Variants in DLC1 observed in about 807,000 individuals in gnomAD.
The protein encoded by DLC1 is rho GTPase-activating protein 7.
A neutral mutation model predicts 140.3 loss-of-function variants in DLC1; 54 were observed. That is an observed-to-expected ratio of 0.38 (90% CI 0.31 to 0.48). The LOEUF is 0.48. Ranked by LOEUF, DLC1 falls within the 20% of genes least tolerant of loss-of-function variation. The pLI, the probability that DLC1 is intolerant of heterozygous loss-of-function variation, is 0.96. For synonymous variants in DLC1, 986 were observed against 728.1 expected (o/e 1.35, Z -5.70); for missense variants, 2,536 against 1,907.0 (o/e 1.33, Z -6.14).
At chr8:13,255,132 A>T (rs751915761) in intron 5 of DLC1, among the ~76,000 whole-genome samples, 13 of 152,016 alleles carry the variant, frequency 8.6e-5, no homozygotes, top group Non-Finnish European at 8.8e-5. Context: ...GCGTGCCACC[A>T]CGCCCAGCTA....
chr8:13,521,407 T>TAAAA lies in DLC1; in HGVS notation c.-125-21212_-125-21211insTTTT, dbSNP rs1165563109. ...TGCACATGTATCCCAGAACTTAAAATTAAAAAAAAAAAAAGTTCCCTTGCC... is the reference window on the plus strand; with the variant it reads ...TGCACATGTATCCCAGAACTTAAAATAAAATAAAAAAAAAAAAAGTTCCCTTGCC... On this transcript the variant is annotated intron_variant, in intron 1 of 1. Coordinates refer to the DLC1 transcript ENST00000631382. 4.1e-3 allele frequency among the ~76,000 whole-genome samples: 543 copies of TAAAA among 133,148 alleles called. 2 individuals are homozygous for TAAAA. The highest frequency in any genetic ancestry group is 0.014 in the African/African-American group (509 of 37,642). The allele number at this position is 133,148 out of a possible 152,430, so 87.4% of individuals were successfully genotyped here. A position where few individuals can be genotyped will look rare whatever the true frequency, so the allele number is the denominator to read the frequency against.
chr8:13,601,953 C>T (rs541634360), intron 1 of DLC1, among the ~76,000 whole-genome samples: 14 of 151,740 alleles, frequency 9.2e-5, no homozygotes, highest in African/African-American at 2.9e-4. Context: ...TTCACATTTC[C>T]AATTAAAATA....
At chr8:13,403,429 G>T (rs1340546657) in intron 2 of DLC1, among the ~76,000 whole-genome samples, 2 of 152,138 alleles carry the variant, frequency 1.3e-5, no homozygotes, top group Non-Finnish European at 2.9e-5. Context: ...TGATTAAATA[G>T]TAATTAAATC....
chr8:13,563,889 T>A (rs1804332817), intron 1 of DLC1, among the ~76,000 whole-genome samples: 1 of 152,200 alleles, frequency 6.6e-6, no homozygotes, highest in Non-Finnish European at 1.5e-5. Flanking sequence ...ATGGAAAGGT[T>A]CATTTTATTA....
chr8:13,308,179 G>A (rs1280158742), intron 4 of DLC1, among the ~76,000 whole-genome samples: 3 of 152,154 alleles, frequency 2.0e-5, no homozygotes, highest in African/African-American at 7.2e-5. Flanking sequence ...GTGAGTTGGG[G>A]TATCAAGCAA....
chr8:13,499,017 C>T, intron 2 of DLC1, 32 bp downstream of exon 2: 1 of 1,539,760 alleles, frequency 6.5e-7, no homozygotes, highest in Non-Finnish European at 8.7e-7. Context: ...TACAAAATTT[C>T]AAAAGCCAGA....
intron 1 of DLC1, 124 bp from the exon 2 acceptor site, chr8:13,500,320 G>A (rs989252804): frequency 8.1e-6 from 3 of 370,276 alleles, no homozygotes; most frequent in Non-Finnish European, 1.5e-5. Context: ...CTTCTGTTTA[G>A]TAGCTTTAAT....
At chr8:13,410,159 A>G (rs12155538) in intron 2 of DLC1, among the ~76,000 whole-genome samples, 1 of 152,058 alleles carries the variant, frequency 6.6e-6, no homozygotes, top group Admixed American at 6.5e-5. Flanking sequence ...ATGTTTTGCT[A>G]GTGATTACAA....
intron 2 of DLC1, among the ~76,000 whole-genome samples, chr8:13,483,478 C>T (rs1228479969): frequency 6.6e-6 from 1 of 152,124 alleles, no homozygotes; most frequent in Non-Finnish European, 1.5e-5. Context: ...AAGGTGGCCC[C>T]ATTTCAGTTT....
chr8:13,558,190 T>G (rs776901522), intron 1 of DLC1: 1 of 152,190 alleles, frequency 6.6e-6, no homozygotes, highest in Non-Finnish European at 1.5e-5. Flanking sequence ...GCTATATGTC[T>G]TGAGTGCTTT....
chr8:13,282,897 A>C (rs1831413526), intron 5 of DLC1, among the ~76,000 whole-genome samples: 1 of 152,118 alleles, frequency 6.6e-6, no homozygotes, highest in Non-Finnish European at 1.5e-5. Flanking sequence ...CTGAGGAAAA[A>C]CCCAAAAAAC....
intron 1 of DLC1, among the ~76,000 whole-genome samples, chr8:13,525,294 G>C: frequency 6.6e-6 from 1 of 152,180 alleles, no homozygotes; most frequent in East Asian, 1.9e-4. Context: ...AAATCAAGCT[G>C]CTATGAATAT....
In DLC1 at chr8:13,102,876, T is replaced by C. The variant is rs758025495; in HGVS notation, c.1503-23A>G. On this transcript the variant is annotated intron_variant, in intron 7 of 17. Coordinates refer to ENST00000276297, the MANE Select transcript of DLC1 (RefSeq NM_182643.3). ...CGCCTATAGAGCAAAGAAATAACGT[T>C]AGCAAAGATAGGCAACCACTCTCTA... is the stretch of plus-strand genomic sequence containing the variant. The C allele has an allele frequency of 1.9e-6, 3 of 1,607,166 alleles. No homozygotes were observed. In the East Asian group the frequency reaches 6.7e-5, roughly 36 times the overall value.
chr8:13,140,937 C>G (rs1257481208), intron 5 of DLC1, among the ~76,000 whole-genome samples: 1 of 152,094 alleles, frequency 6.6e-6, no homozygotes, highest in East Asian at 1.9e-4. Flanking sequence ...ATATAGATGC[C>G]TTGCTTAGAG....
At chr8:13,447,144 T>G (rs1225564774) in intron 2 of DLC1, among the ~76,000 whole-genome samples, 1 of 152,216 alleles carries the variant, frequency 6.6e-6, no homozygotes, top group Non-Finnish European at 1.5e-5. Flanking sequence ...AGTCTCCATT[T>G]ATTAACAGCT....
intron 15 of DLC1, among the ~76,000 whole-genome samples, chr8:13,089,467 A>T (rs145455965): frequency 6.6e-6 from 1 of 151,920 alleles, no homozygotes; most frequent in African/African-American, 2.4e-5. Flanking sequence ...TCTACTAAAA[A>T]TACAAAAATT....
chr8:13,564,827 A>G (rs1226240601), intron 1 of DLC1, among the ~76,000 whole-genome samples: 3 of 152,190 alleles, frequency 2.0e-5, no homozygotes, highest in Non-Finnish European at 2.9e-5. Flanking sequence ...GCTGCAGAAC[A>G]GTAACAGGAG....
At chr8:13,521,276 A>C (rs978587885) in intron 1 of DLC1, among the ~76,000 whole-genome samples, 1 of 152,052 alleles carries the variant, frequency 6.6e-6, no homozygotes, top group African/African-American at 2.4e-5. Context: ...GGAGAGCATC[A>C]GGGTAAATAG....
intron 5 of DLC1, among the ~76,000 whole-genome samples, chr8:13,248,902 T>C (rs1243830925): frequency 6.6e-6 from 1 of 152,092 alleles, no homozygotes; most frequent in Non-Finnish European, 1.5e-5. Context: ...CTGTAGAAAC[T>C]TCCACAGCTT....
Sources: gnomAD v4.1 joint callset for allele counts (sites outside exome capture counted in the v4.1 genomes callset) on GRCh38, gnomAD v4.1.1 for gene constraint, MANE v1.5 for transcripts, NCBI Gene and HGNC (gene_info 2026-07-23, HGNC 2026-07-21) for gene names.